The following PRKCA variants were observed in gnomAD, a reference collection of about 807,000 sequenced individuals.
PRKCA encodes protein kinase C alpha.
PRKCA carries 27 observed loss-of-function variants against 87.0 expected under a neutral mutation model. That is an observed-to-expected ratio of 0.31 (90% confidence interval 0.23 to 0.43). PRKCA has a LOEUF of 0.43. Ranked by LOEUF, PRKCA falls within the 20% of genes least tolerant of loss-of-function variation. The pLI is 1.00. For missense variants in PRKCA, 518 were observed against 852.3 expected, an observed-to-expected ratio of 0.61 and a Z score of 4.88; for synonymous variants, 329 against 311.1, an observed-to-expected ratio of 1.06 and a Z score of -0.61.
rs189084664 is a variant in PRKCA at position 66,354,112 on chromosome 17, G to A, written c.205+47985G>A. 1.3e-3 allele frequency among the ~76,000 whole-genome samples: 195 copies of A among 152,234 alleles called. 1 individual carries two copies. The highest frequency in any genetic ancestry group is 4.2e-3 in the African/African-American group (176 of 41,530). ...AGCTCGTGGCTAGGATCGCAGACGC[G>A]AACATTGTTTCTTCCTGAATTGTGT... On this transcript the variant is annotated intron_variant, in intron 2 of 16. Transcript: ENST00000413366.
intron 2 of PRKCA, among the ~76,000 whole-genome samples, chr17:66,471,752 G>C (rs544515185): frequency 6.6e-6 from 1 of 151,630 alleles, no homozygotes; most frequent in Non-Finnish European, 1.5e-5. Context: ...AATCCGCAGA[G>C]GGTTACCTTT....
chr17:66,694,094 TATA>T (rs1233805478), intron 8 of PRKCA, among the ~76,000 whole-genome samples: 3 of 152,174 alleles, frequency 2.0e-5, no homozygotes, highest in East Asian at 3.8e-4. Flanking sequence ...GGGAAGTAAA[TATA>T]ATACCACAGT....
chr17:66,687,224 A>G lies in PRKCA; in HGVS notation c.643A>G (p.Ile215Val). 2 of 1,614,120 alleles carry G rather than the reference A, an allele frequency of 1.2e-6. No individual in the cohort carries two copies. The highest frequency in any genetic ancestry group is 1.7e-5 in the Admixed American group (1 of 60,016). The change falls in exon 6 of 17, where the codon ATC becomes GTC. Residue 215 changes from isoleucine to valine, a missense_variant. Ile to Val is a conservative substitution (Grantham distance 29). Coordinates refer to ENST00000413366, the MANE Select transcript of PRKCA (RefSeq NM_002737.3). Reference protein sequence around the residue: ...KNESKQKTKTIRSTLNPQWNE... With the variant: ...KNESKQKTKTVRSTLNPQWNE... Reference sequence around the variant, plus strand: ...TGAAAGCAAGCAAAAAACCAAAACCATCCGCTCCACACTAAATCCGCAGTG... The same window carrying G: ...TGAAAGCAAGCAAAAAACCAAAACCGTCCGCTCCACACTAAATCCGCAGTG...
chr17:66,758,048 G>A (rs1974598470), intron 13 of PRKCA, among the ~76,000 whole-genome samples: 1 of 152,196 alleles, frequency 6.6e-6, no homozygotes, highest in Admixed American at 6.5e-5. Context: ...TAGAGAGAAG[G>A]AAAGTGACAT....
At chr17:66,507,829 G>T (rs1408894552) in intron 3 of PRKCA, among the ~76,000 whole-genome samples, 2 of 152,178 alleles carry the variant, frequency 1.3e-5, no homozygotes, top group African/African-American at 4.8e-5. Flanking sequence ...AAACTTCTAA[G>T]CCGAGTCCCA....
intron 3 of PRKCA, among the ~76,000 whole-genome samples, chr17:66,530,763 T>C (rs551658327): frequency 2.0e-5 from 3 of 152,302 alleles, no homozygotes; most frequent in African/African-American, 7.2e-5. Context: ...TGCAGGTTTC[T>C]GCGCAGTGCC....
chr17:66,662,016 T>C (rs1971920058), intron 5 of PRKCA, among the ~76,000 whole-genome samples: 1 of 152,216 alleles, frequency 6.6e-6, no homozygotes, highest in Non-Finnish European at 1.5e-5. Context: ...CAAAGGTAGT[T>C]GGCAGCATGC....
chr17:66,430,779 G>A (rs1269638450), intron 2 of PRKCA, among the ~76,000 whole-genome samples: 1 of 152,156 alleles, frequency 6.6e-6, no homozygotes, highest in Non-Finnish European at 1.5e-5. Flanking sequence ...ACTTTCTGGG[G>A]CACTAGGAAA....
At chr17:66,714,800 T>C (rs997150828) in intron 8 of PRKCA, among the ~76,000 whole-genome samples, 10 of 152,192 alleles carry the variant, frequency 6.6e-5, no homozygotes, top group Admixed American at 5.9e-4. Flanking sequence ...CCAGATCCCA[T>C]GCTTGTCACC....
At chr17:66,766,149 C>G (rs1481301939) in intron 13 of PRKCA, among the ~76,000 whole-genome samples, 4 of 152,172 alleles carry the variant, frequency 2.6e-5, no homozygotes, top group Admixed American at 2.6e-4. Flanking sequence ...GAAAAACGAG[C>G]CTTGGCGCTT....
At position 66,809,209 on chromosome 17, in the gene PRKCA, G is replaced by C. The variant is rs1976109870; in HGVS notation, c.*5172G>C. 1 of 152,252 alleles carries C rather than the reference G, an allele frequency of 6.6e-6. No individual in the cohort carries two copies. The allele number at this position is 152,252 out of a possible 1,614,324, so 9.4% of individuals were successfully genotyped here. ...GGATGAAGGCCATCATCTAGAAATG[G>C]GGTCAACCACAATTGTGTTAATTCC... On this transcript the variant is annotated 3_prime_UTR_variant, in exon 17 of 17. Transcript: ENST00000413366.
intron 3 of PRKCA, among the ~76,000 whole-genome samples, chr17:66,562,090 A>AAT (rs548680258): frequency 1.8e-5 from 2 of 113,154 alleles, no homozygotes; most frequent in African/African-American, 6.6e-5. Context: ...TATATAATTA[A>AAT]ATATATATAA....
intron 3 of PRKCA, among the ~76,000 whole-genome samples, chr17:66,587,747 G>A (rs557545607): frequency 9.8e-6 from 1 of 101,540 alleles, no homozygotes; most frequent in African/African-American, 3.8e-5. Context: ...ACGTATATGT[G>A]TGTATATGTA....
intron 2 of PRKCA, among the ~76,000 whole-genome samples, chr17:66,324,725 T>C (rs1317389339): frequency 2.6e-5 from 4 of 152,212 alleles, no homozygotes; most frequent in Non-Finnish European, 5.9e-5. Context: ...TTGTCTCCAG[T>C]TTAGGCCTTT....
At chr17:66,380,900 T>A (rs1295203274) in intron 2 of PRKCA, among the ~76,000 whole-genome samples, 2 of 152,060 alleles carry the variant, frequency 1.3e-5, no homozygotes, top group Non-Finnish European at 1.5e-5. Flanking sequence ...GATTTACATT[T>A]GTTCCTTATA....
chr17:66,702,135 CATATATAT>C (rs147965167), intron 8 of PRKCA, among the ~76,000 whole-genome samples: 4 of 150,132 alleles, frequency 2.7e-5, no homozygotes, highest in African/African-American at 9.8e-5. Context: ...TGTGCATATT[CATATATAT>C]ATATATACAC....
intron 3 of PRKCA, among the ~76,000 whole-genome samples, chr17:66,584,886 T>C (rs919835609): frequency 9.9e-5 from 15 of 152,144 alleles, no homozygotes; most frequent in Non-Finnish European, 1.6e-4. Context: ...GCATTGTTCG[T>C]CTGGGTTAAT....
chr17:66,444,965 A>T (rs1268492491), intron 2 of PRKCA, among the ~76,000 whole-genome samples: 1 of 152,148 alleles, frequency 6.6e-6, no homozygotes, highest in Non-Finnish European at 1.5e-5. Context: ...TCTCACACAT[A>T]CAGACTCCCT....
At chr17:66,443,309 A>G (rs1335227189) in intron 2 of PRKCA, among the ~76,000 whole-genome samples, 2 of 152,194 alleles carry the variant, frequency 1.3e-5, no homozygotes, top group African/African-American at 4.8e-5. Flanking sequence ...GAAAATAATG[A>G]ATGGGAAGTA....
Sources: allele counts gnomAD v4.1 joint callset (sites outside exome capture counted in the v4.1 genomes callset), GRCh38; gene constraint gnomAD v4.1.1; transcripts MANE v1.5; gene names NCBI Gene and HGNC (gene_info 2026-07-23, HGNC 2026-07-21).